RNF17: variants seen among roughly 807,000 people sequenced by gnomAD.
RNF17 encodes the protein ring finger protein 17.
Under a neutral mutation model 200.5 loss-of-function variants are expected in RNF17, and 31 were observed. The ratio of observed to expected loss-of-function variants is 0.15; its 90% confidence interval spans 0.12 to 0.21. The LOEUF (loss-of-function observed/expected upper bound fraction) is 0.21. Among genes scored for constraint, RNF17 ranks in the 10% least tolerant of loss-of-function variants. RNF17 has a pLI of 1.00. For synonymous variants in RNF17, 606 were observed against 637.8 expected, an observed-to-expected ratio of 0.95 and a Z score of 0.75; for missense variants, 1,628 against 1,905.1, an observed-to-expected ratio of 0.85 and a Z score of 2.71.
chr13:24,851,667 CTT>C, intron 24 of RNF17, 96 bp downstream of exon 24: 2 of 692,582 alleles, frequency 2.9e-6, no homozygotes, highest in Non-Finnish European at 4.8e-6. Flanking sequence ...TGAATTGCAT[CTT>C]GTTTGCTCTT....
chr13:24,836,401 A>G (rs1433206635), intron 18 of RNF17, among the ~76,000 whole-genome samples: 1 of 152,220 alleles, frequency 6.6e-6, no homozygotes, highest in Non-Finnish European at 1.5e-5. Flanking sequence ...TTGCCCAGAC[A>G]CATTGTCATC....
At chr13:24,772,654 A>G (rs1227462942) in intron 2 of RNF17, among the ~76,000 whole-genome samples, 1 of 151,076 alleles carries the variant, frequency 6.6e-6, no homozygotes, top group Non-Finnish European at 1.5e-5. Context: ...TCTGTCACCC[A>G]GGCTAGAGTG....
At chr13:24,812,687 T>TCCCCCCC (rs1566168476) in intron 15 of RNF17, among the ~76,000 whole-genome samples, 9 of 24,770 alleles carry the variant, frequency 3.6e-4, no homozygotes, top group Non-Finnish European at 6.4e-4. Context: ...CCACCCCCTT[T>TCCCCCCC]TTTTTTTTTT....
chr13:24,776,283 A>G lies in RNF17; in HGVS notation c.317+1379A>G, dbSNP rs374757519. Among the ~76,000 whole-genome samples the G allele has an allele frequency of 9.2e-5, 14 of 152,318 alleles. No individual in the cohort carries two copies. In the East Asian group the frequency reaches 1.9e-3, roughly 21 times the overall value. ...CCTTGTCAGACTCTTCCTTAATGCT[A>G]TAGTTGTTCATTAAGTATTCAATTA... On this transcript the variant is annotated intron_variant, in intron 3 of 35. Coordinates refer to ENST00000255324, the MANE Select transcript of RNF17 (RefSeq NM_031277.3).
chr13:24,858,363 C>T (rs1362870964), intron 25 of RNF17, among the ~76,000 whole-genome samples: 1 of 152,098 alleles, frequency 6.6e-6, no homozygotes, highest in African/African-American at 2.4e-5. Context: ...GTGCTGGATG[C>T]TTTACATTTA....
downstream of RNF17, chr13:24,883,953 G>A (rs1415699798): frequency 1.9e-6 from 3 of 1,614,024 alleles, no homozygotes; most frequent in Admixed American, 1.7e-5. Context: ...TGAACATAAT[G>A]TTGCCATACC....
chr13:24,819,043 TAAA>T (rs749507816), intron 15 of RNF17, among the ~76,000 whole-genome samples: 1 of 152,158 alleles, frequency 6.6e-6, no homozygotes, highest in Non-Finnish European at 1.5e-5. Context: ...GTAATTGTGT[TAAA>T]AAACACACAG....
intron 18 of RNF17, among the ~76,000 whole-genome samples, chr13:24,835,778 C>A (rs1889926052): frequency 1.3e-5 from 2 of 152,178 alleles, no homozygotes; most frequent in Non-Finnish European, 2.9e-5. Flanking sequence ...AATACCCCCC[C>A]AAAATCACAC....
upstream of RNF17, among the ~76,000 whole-genome samples, chr13:24,761,687 T>A (rs989958649): frequency 6.6e-6 from 1 of 152,172 alleles, no homozygotes; most frequent in Non-Finnish European, 1.5e-5. Context: ...CATTAAAGGG[T>A]TCCAAACAAA....
At chr13:24,760,537 G>A (rs1878647360), upstream of RNF17, among the ~76,000 whole-genome samples, 1 of 152,170 alleles carries the variant, frequency 6.6e-6, no homozygotes, top group African/African-American at 2.4e-5. Flanking sequence ...AAAATAGTGG[G>A]AAAGCTCTAC....
At chr13:24,758,920 C>CA in the RNF17 span, among the ~76,000 whole-genome samples, 10 of 151,676 alleles carry the variant, frequency 6.6e-5, no homozygotes, top group Non-Finnish European at 1.3e-4. Context: ...TATTAAAATA[C>CA]AAAAAATTAG....
rs773110633 is a variant in RNF17 at position 24,859,148 on chromosome 13, T to G, written c.3758T>G (p.Val1253Gly). The G allele has an allele frequency of 3.1e-6, 5 of 1,600,514 alleles. No individual in the cohort carries two copies. The East Asian group carries it at 1.1e-4, about 36-fold the overall frequency. ...TATCGTGGCAAGGTGATGGAGGTTG[T>G]AGGTGGCGCTGTCAGAGTGAGTCTG... is the stretch of plus-strand genomic sequence containing the variant. The part of the protein sequence containing the change: ...LWYRGKVMEV[V>G]GGAVRVQYLD... Residue 1253 changes from valine to glycine, a missense_variant, in exon 26 of 36, where the codon GTA (valine) becomes GGA (glycine). Val to Gly is a moderately radical substitution (Grantham distance 109). Coordinates refer to ENST00000255324, the MANE Select transcript of RNF17 (RefSeq NM_031277.3).
chr13:24,859,815 A>C (rs1201491925), intron 26 of RNF17, among the ~76,000 whole-genome samples: 2 of 152,100 alleles, frequency 1.3e-5, no homozygotes, highest in East Asian at 1.9e-4. Flanking sequence ...TAATGATTAC[A>C]TAGCACTTCA....
chr13:24,849,244 G>A (rs1223836693), intron 22 of RNF17, among the ~76,000 whole-genome samples: 1 of 152,162 alleles, frequency 6.6e-6, no homozygotes, highest in Non-Finnish European at 1.5e-5. Context: ...TATTTAGAGA[G>A]CCTATAGAGC....
intron 5 of RNF17, among the ~76,000 whole-genome samples, chr13:24,781,195 GT>G (rs1181664545): frequency 6.1e-5 from 9 of 148,376 alleles, no homozygotes; most frequent in South Asian, 2.1e-4. Context: ...GGTTTCTACG[GT>G]TTTTTTTTTA....
chr13:24,783,409 A>C (rs997729674), intron 6 of RNF17, among the ~76,000 whole-genome samples: 5 of 152,072 alleles, frequency 3.3e-5, no homozygotes, highest in African/African-American at 1.2e-4. Flanking sequence ...TGGACTTTTC[A>C]ATTTTCACAA....
intron 12 of RNF17, among the ~76,000 whole-genome samples, chr13:24,800,051 G>T (rs1885062196): frequency 6.6e-6 from 1 of 152,130 alleles, no homozygotes; most frequent in South Asian, 2.1e-4. Flanking sequence ...ACCATAGCAT[G>T]ATCACTTAAT....
chr13:24,884,556 TAATAAAATGTAAAACATTCCCTCA>T (rs1953956679), downstream of RNF17: 1 of 1,228,262 alleles, frequency 8.1e-7, no homozygotes, highest in African/African-American at 1.5e-5. Flanking sequence ...AAATTTTTTG[TAATAAAATGTAAAACATTCCCTCA>T]AAAGATCCTT....
At chr13:24,777,984 A>G (rs1248630801) in intron 3 of RNF17, among the ~76,000 whole-genome samples, 1 of 152,080 alleles carries the variant, frequency 6.6e-6, no homozygotes, top group Non-Finnish European at 1.5e-5. Flanking sequence ...TACGTGGGCC[A>G]GGCACAGTGG....
Sources: gnomAD v4.1 joint callset for allele counts (sites outside exome capture counted in the v4.1 genomes callset) on GRCh38, gnomAD v4.1.1 for gene constraint, MANE v1.5 for transcripts, NCBI Gene and HGNC (gene_info 2026-07-23, HGNC 2026-07-21) for gene names.